The following HUWE1 variants were observed in gnomAD, a reference collection of about 807,000 sequenced individuals.
HUWE1 encodes the protein HECT, UBA and WWE domain containing E3 ubiquitin protein ligase 1, also known as E3 ubiquitin-protein ligase HUWE1.
HUWE1 carries 18 observed loss-of-function variants against 299.4 expected under a neutral mutation model. The observed-to-expected ratio is 0.06, with a 90% CI of 0.04 to 0.09. HUWE1 has a LOEUF of 0.09. HUWE1 is among the 10% of genes least tolerant of loss of function. The pLI, the probability that HUWE1 is intolerant of heterozygous loss-of-function variation, is 1.00. For missense variants in HUWE1, 1,832 were observed against 3,462.3 expected (o/e 0.53, Z 11.82); for synonymous variants, 1,317 against 1,286.1 (o/e 1.02, Z -0.51).
At position 53,686,656 on chromosome X, in the gene HUWE1, T is replaced by C. The variant is rs5978184; in HGVS notation, c.-330A>G. ...TCCGCGGCCCTGCTTCAGCCCTGCT[T>C]CAGCCCTGCTCCAGCCCTGCTCCAG... On this transcript the variant is annotated 5_prime_UTR_variant, in exon 1 of 84. Transcript: ENST00000262854. 28,892 of 99,784 alleles carry C rather than the reference T, an allele frequency of 0.29. 4,057 individuals are homozygous for C. The highest frequency in any genetic ancestry group is 0.41 in the South Asian group (831 of 2,050). The allele number at this position is 99,784 out of a possible 1,213,427, so 8.2% of individuals were successfully genotyped here. A position where few individuals can be genotyped will look rare whatever the true frequency, so the allele number is the denominator to read the frequency against.
chrX:53,556,186 C>G, intron 60 of HUWE1: 1 of 343,062 alleles, frequency 2.9e-6, no homozygotes, highest in Non-Finnish European at 5.9e-6. Flanking sequence ...ACATCTACAA[C>G]TTTGTCTGAT....
chrX:53,604,871 A>G (rs782212637), intron 25 of HUWE1, 37 bp from the exon 26 acceptor site: 3 of 1,147,311 alleles, frequency 2.6e-6, no homozygotes, highest in Admixed American at 2.2e-5. Context: ...TTAATATACA[A>G]TGAACTTCAA....
rs1392030494 is a variant in HUWE1, at chrX:53,594,618, C to G, written c.3384G>C (p.Leu1128=). The change falls in exon 31 of 84, where the codon CTG becomes CTC. Residue 1128 remains leucine (L), a synonymous_variant. Coordinates refer to ENST00000262854, the MANE Select transcript of HUWE1 (RefSeq NM_031407.7). ...AACCAACTGAACAGATGAAGAATGT[C>G]AGCCTGAAAGTGGAAAAAAAGGCAA... is the stretch of plus-strand genomic sequence containing the variant. ...PPYTPTPRFR[L]TFFICSVGFT... is the part of the protein sequence containing the mutation. 8.3e-7 allele frequency: 1 copy of G among 1,210,122 alleles called. No individual in the cohort carries two copies. Among genetic ancestry groups the G allele is most frequent in the South Asian group, 1.8e-5 (1 of 56,744 alleles).
At chrX:53,536,331 C>T (rs782119171) in intron 79 of HUWE1, 49 bp downstream of exon 79, 3 of 1,185,180 alleles carry the variant, frequency 2.5e-6, no homozygotes, top group East Asian at 3.0e-5. Flanking sequence ...CACAAAAAGA[C>T]CAGACCCCCA....
intron 12 of HUWE1, among the ~76,000 whole-genome samples, chrX:53,630,075 C>T (rs2066769339): frequency 8.9e-6 from 1 of 112,008 alleles, no homozygotes; most frequent in Non-Finnish European, 1.9e-5. Context: ...GTGTGTAATT[C>T]ACATTCAATG....
chrX:53,625,792 GGGGGCCAGGGCCAGGGCC>G (rs2066440094), intron 17 of HUWE1: 1 of 122,305 alleles, frequency 8.2e-6, no homozygotes, highest in Non-Finnish European at 1.8e-5. Flanking sequence ...GCACCAGGAC[GGGGGCCAGGGCCAGGGCC>G]GGGGCCAGGG....
intron 76 of HUWE1, 148 bp downstream of exon 76, chrX:53,538,685 GGT>G (rs782631547): frequency 2.2e-5 from 13 of 591,960 alleles, no homozygotes; most frequent in African/African-American, 1.7e-4. Context: ...TACGTGCACG[GGT>G]GTGTGTATGT....
At chrX:53,667,207 A>C (rs958012127) in intron 3 of HUWE1, among the ~76,000 whole-genome samples, 1 of 112,806 alleles carries the variant, frequency 8.9e-6, no homozygotes, top group South Asian at 3.6e-4. Flanking sequence ...TACAGAAGAT[A>C]AATTAAATTT....
chrX:53,555,520 T>A (rs1159403369), intron 60 of HUWE1, among the ~76,000 whole-genome samples: 2 of 110,923 alleles, frequency 1.8e-5, no homozygotes, highest in African/African-American at 6.6e-5. Flanking sequence ...AGAGACAGGG[T>A]CTTGCCATGT....
At chrX:53,537,842 G>C in intron 77 of HUWE1, 146 bp from the exon 78 acceptor site, 1 of 608,632 alleles carries the variant, frequency 1.6e-6, no homozygotes, top group Non-Finnish European at 2.5e-6. Flanking sequence ...GAAATGCCCA[G>C]TAGTTGGGAG....
intron 7 of HUWE1, among the ~76,000 whole-genome samples, chrX:53,639,775 G>A (rs2067457032): frequency 1.0e-5 from 1 of 98,397 alleles, no homozygotes; most frequent in Non-Finnish European, 1.9e-5. Context: ...AGTTTCTCTG[G>A]TTGACATCCA....
intron 2 of HUWE1, among the ~76,000 whole-genome samples, chrX:53,682,495 G>A (rs1204634075): frequency 1.8e-5 from 2 of 111,335 alleles, no homozygotes; most frequent in Admixed American, 1.9e-4. Context: ...ACTGCCTATA[G>A]TAACGGTGGC....
chrX:53,601,988 A>G (rs2064878739), intron 28 of HUWE1, among the ~76,000 whole-genome samples: 2 of 111,390 alleles, frequency 1.8e-5, no homozygotes, highest in African/African-American at 6.5e-5. Context: ...AATTTTTATC[A>G]TGAGATAATA....
chrX:53,542,002 G>A lies in HUWE1; in HGVS notation c.11476+441C>T, dbSNP rs998664057. On this transcript the variant is annotated intron_variant, in intron 74 of 83. Coordinates refer to ENST00000262854, the MANE Select transcript of HUWE1 (RefSeq NM_031407.7). ...TTGAGACCAGCCTGGCCAACATGGC[G>A]AAACTCGTCTCTACTAAAAAAAATA... Among the ~76,000 whole-genome samples, 20 of 111,533 alleles carry A rather than the reference G, an allele frequency of 1.8e-4. 1 individual carries two copies. In the South Asian group the frequency reaches 2.7e-3, roughly 15 times the overall value.
Position 53,552,689 on chromosome X carries a change from A to C in HUWE1, c.8699T>G (p.Val2900Gly), listed in dbSNP as rs782233422. ...PGDAPPAVAE[V>G]QGRSDGSGES... ...CCCTGACCCATCACTCCTGCCTTGC[A>C]CTTCCGCCACAGCTGGTGGGGCATC... Residue 2900 changes from valine to glycine, a missense_variant, in exon 62 of 84, where the codon GTG becomes GGG. Transcript: ENST00000262854. 2.5e-6 allele frequency: 3 copies of C among 1,211,673 alleles called. No homozygotes were observed. The Admixed American group carries it at 6.5e-5, about 26-fold the overall frequency.
intron 80 of HUWE1, 68 bp from the exon 81 acceptor site, chrX:53,535,569 C>G: frequency 6.9e-6 from 5 of 722,532 alleles, no homozygotes; most frequent in Non-Finnish European, 4.4e-6. Flanking sequence ...TACCTAGGAA[C>G]ACACCCTAAA....
intron 34 of HUWE1, 56 bp downstream of exon 34, chrX:53,590,944 G>T: frequency 8.4e-7 from 1 of 1,195,158 alleles, no homozygotes; most frequent in South Asian, 1.8e-5. Flanking sequence ...AGGGGAAAAA[G>T]GACTTCAGCA....
chrX:53,671,337 C>A (rs1255200730), intron 3 of HUWE1, among the ~76,000 whole-genome samples: 3 of 111,525 alleles, frequency 2.7e-5, no homozygotes, highest in African/African-American at 9.8e-5. Flanking sequence ...TTAGGATGTA[C>A]CTATGCTTCT....
At position 53,591,078 on chromosome X, in the gene HUWE1, C is replaced by T; in HGVS notation, c.4017G>A (p.Leu1339=). Residue 1339 remains leucine (L), a synonymous_variant, in exon 34 of 84, where the codon CTG becomes CTA. Transcript: ENST00000262854. Reference sequence around the variant, plus strand: ...CCTGCTCCATGGTGCTGGTGTTCAACAGTGCCTCCATTGCATGTTCCCTTG... The same window carrying T: ...CCTGCTCCATGGTGCTGGTGTTCAATAGTGCCTCCATTGCATGTTCCCTTG... ...GFTREHAMEA[L]LNTSTMEQAT... is the part of the protein sequence containing the mutation. 5 of 1,210,230 alleles carry T rather than the reference C, an allele frequency of 4.1e-6. No homozygotes were observed. Among genetic ancestry groups the T allele is most frequent in the Non-Finnish European group, 4.5e-6 (4 of 894,509 alleles).
Sources: gnomAD v4.1 joint callset for allele counts (sites outside exome capture counted in the v4.1 genomes callset) on GRCh38, gnomAD v4.1.1 for gene constraint, MANE v1.5 for transcripts, NCBI Gene and HGNC (gene_info 2026-07-23, HGNC 2026-07-21) for gene names.